The following DOK6 variants were observed in gnomAD, a reference collection of about 807,000 sequenced individuals.
DOK6 encodes downstream of tyrosine kinase 6.
DOK6 carries 22 observed loss-of-function variants against 44.0 expected under a neutral mutation model. The observed-to-expected ratio is 0.50, with a 90% CI of 0.36 to 0.71. The LOEUF (loss-of-function observed/expected upper bound fraction) is 0.71. Ranked by LOEUF, DOK6 falls within the 30% of genes least tolerant of loss-of-function variation. The pLI is 0.00. For synonymous variants in DOK6, 166 were observed against 145.5 expected (o/e 1.14, Z -1.01); for missense variants, 340 against 416.4 (o/e 0.82, Z 1.60).
At chr18:69,471,635 G>C (rs2122489944) in intron 1 of DOK6, 1 of 151,840 alleles carries the variant, frequency 6.6e-6, no homozygotes, top group African/African-American at 2.4e-5. Context: ...AACTGGGTGG[G>C]GGGTTGCACG....
intron 2 of DOK6, among the ~76,000 whole-genome samples, chr18:69,565,132 G>A (rs1034755115): frequency 2.0e-5 from 3 of 151,996 alleles, no homozygotes; most frequent in Admixed American, 6.6e-5. Flanking sequence ...CCAAAATGAC[G>A]CTAAATATAT....
chr18:69,753,237 G>C (rs922901771), intron 6 of DOK6, among the ~76,000 whole-genome samples: 3 of 152,120 alleles, frequency 2.0e-5, no homozygotes, highest in African/African-American at 7.2e-5. Context: ...GCCTAAATGG[G>C]AAAAACACAA....
chr18:69,465,372 T>C (rs1044071512), intron 1 of DOK6, among the ~76,000 whole-genome samples: 2 of 152,080 alleles, frequency 1.3e-5, no homozygotes, highest in Non-Finnish European at 2.9e-5. Flanking sequence ...TAGTTACATA[T>C]GTATACATAT....
chr18:69,630,757 G>T (rs917885707), intron 3 of DOK6, among the ~76,000 whole-genome samples: 1 of 152,180 alleles, frequency 6.6e-6, no homozygotes, highest in South Asian at 2.1e-4. Context: ...TACTGTGACT[G>T]CATGTATTGC....
intron 3 of DOK6, among the ~76,000 whole-genome samples, chr18:69,673,606 C>G (rs1985857160): frequency 6.6e-6 from 1 of 152,224 alleles, no homozygotes; most frequent in African/African-American, 2.4e-5. Flanking sequence ...CCATTTGTCA[C>G]ATAATTCACC....
At chr18:69,498,223 G>GAAATA (rs1343493188) in intron 1 of DOK6, among the ~76,000 whole-genome samples, 5 of 151,856 alleles carry the variant, frequency 3.3e-5, no homozygotes, top group Admixed American at 6.6e-5. Context: ...TCCAATTAAT[G>GAAATA]AAATAAAATA....
intron 5 of DOK6, among the ~76,000 whole-genome samples, chr18:69,716,948 T>C (rs1986897851): frequency 6.6e-6 from 1 of 152,228 alleles, no homozygotes; most frequent in East Asian, 1.9e-4. Flanking sequence ...TAAATGCATG[T>C]CTGGCTACTT....
intron 7 of DOK6, among the ~76,000 whole-genome samples, chr18:69,806,815 T>C (rs1317986447): frequency 6.6e-6 from 1 of 152,004 alleles, no homozygotes; most frequent in Non-Finnish European, 1.5e-5. Context: ...AATTGACTGT[T>C]ACGTCTACAA....
At chr18:69,796,078 A>G (rs1224362052) in intron 7 of DOK6, among the ~76,000 whole-genome samples, 1 of 152,180 alleles carries the variant, frequency 6.6e-6, no homozygotes, top group East Asian at 1.9e-4. Flanking sequence ...CAGTGCAGGG[A>G]AAGCTGGCTG....
At chr18:69,499,401 A>G (rs758853875) in intron 1 of DOK6, among the ~76,000 whole-genome samples, 1 of 152,210 alleles carries the variant, frequency 6.6e-6, no homozygotes, top group Non-Finnish European at 1.5e-5. Flanking sequence ...TGTGGAAAAT[A>G]GGCTAGAATT....
At chr18:69,712,372 A>C (rs1354219150) in intron 5 of DOK6, among the ~76,000 whole-genome samples, 3 of 148,240 alleles carry the variant, frequency 2.0e-5, no homozygotes, top group African/African-American at 7.4e-5. Context: ...CAATTCTGTG[A>C]AGGAACACTT....
intron 7 of DOK6, among the ~76,000 whole-genome samples, chr18:69,800,290 G>T (rs114762889): frequency 0.013 from 2,045 of 152,140 alleles, 48 homozygotes; most frequent in African/African-American, 0.046. Flanking sequence ...CTTACAATTA[G>T]TTTCTTCTCT....
intron 4 of DOK6, among the ~76,000 whole-genome samples, chr18:69,694,284 G>T (rs972292829): frequency 6.6e-6 from 1 of 151,388 alleles, no homozygotes; most frequent in African/African-American, 2.4e-5. Flanking sequence ...CTAGACTCTC[G>T]TAGTTGCAGC....
chr18:69,454,811 A>G (rs1174826723), intron 1 of DOK6, among the ~76,000 whole-genome samples: 3 of 147,172 alleles, frequency 2.0e-5, no homozygotes, highest in Non-Finnish European at 4.5e-5. Context: ...TCGCAAGAAC[A>G]AAAAACCAAA....
intron 6 of DOK6, among the ~76,000 whole-genome samples, chr18:69,751,596 T>A (rs888021309): frequency 1.3e-5 from 2 of 152,106 alleles, no homozygotes; most frequent in African/African-American, 4.8e-5. Context: ...TTTCAAGTAC[T>A]TACAAGATGT....
chr18:69,455,065 A>G (rs562558561), intron 1 of DOK6, among the ~76,000 whole-genome samples: 22 of 149,258 alleles, frequency 1.5e-4, no homozygotes, highest in Non-Finnish European at 1.5e-4. Flanking sequence ...ATAATAAAAA[A>G]AAAAGAAAAG....
chr18:69,737,237 C>T lies in DOK6; in HGVS notation c.600-1728C>T, dbSNP rs537037025. 1.1e-4 allele frequency among the ~76,000 whole-genome samples: 17 copies of T among 152,312 alleles called. No individual in the cohort carries two copies. In the East Asian group the frequency reaches 3.1e-3, roughly 28 times the overall value. Reference sequence around the variant, plus strand: ...AAGAGGTTTAATTGACTTAGTTGCACATGGCTGTGGAGGCCTCAGGAAACT... The same window carrying T: ...AAGAGGTTTAATTGACTTAGTTGCATATGGCTGTGGAGGCCTCAGGAAACT... On this transcript the variant is annotated intron_variant, in intron 5 of 7. Coordinates refer to ENST00000382713, the MANE Select transcript of DOK6 (RefSeq NM_152721.6).
intron 3 of DOK6, among the ~76,000 whole-genome samples, chr18:69,605,625 A>G (rs1463969841): frequency 3.3e-5 from 5 of 152,218 alleles, no homozygotes; most frequent in Admixed American, 2.6e-4. Flanking sequence ...AATCCCACTC[A>G]TAATCTAAAG....
intron 6 of DOK6, among the ~76,000 whole-genome samples, chr18:69,744,065 C>T (rs971659252): frequency 2.0e-5 from 3 of 152,156 alleles, no homozygotes; most frequent in South Asian, 2.1e-4. Context: ...AAAGAAAGAA[C>T]ATTGGGAGGC....
Sources: allele counts gnomAD v4.1 joint callset (sites outside exome capture counted in the v4.1 genomes callset), GRCh38; gene constraint gnomAD v4.1.1; transcripts MANE v1.5; gene names NCBI Gene and HGNC (gene_info 2026-07-23, HGNC 2026-07-21).